The following FBXW7 variants were observed in gnomAD, a reference collection of about 807,000 sequenced individuals.
FBXW7 encodes the protein F-box and WD repeat domain containing 7.
A neutral mutation model predicts 86.3 loss-of-function variants in FBXW7; 11 were observed. The ratio of observed to expected loss-of-function variants is 0.13; its 90% CI spans 0.08 to 0.21. FBXW7 has a LOEUF of 0.21. Ranked by LOEUF, FBXW7 falls within the 10% of genes least tolerant of loss-of-function variation. FBXW7 has a pLI of 1.00. For missense variants in FBXW7, 488 were observed against 847.4 expected (o/e 0.58, Z 5.27); for synonymous variants, 313 against 297.9 (o/e 1.05, Z -0.52).
intron 4 of FBXW7, among the ~76,000 whole-genome samples, chr4:152,367,994 C>T (rs1733655656): frequency 6.6e-6 from 1 of 151,580 alleles, no homozygotes; most frequent in Admixed American, 6.6e-5. Flanking sequence ...TTGTAAGAGT[C>T]GATTAATATT....
At chr4:152,434,777 T>C (rs1330889472) in intron 2 of FBXW7, among the ~76,000 whole-genome samples, 5 of 152,148 alleles carry the variant, frequency 3.3e-5, no homozygotes, top group African/African-American at 7.2e-5. Context: ...CATATTGAAA[T>C]ACAAATAGAT....
Position 152,350,335 on chromosome 4 carries a change from T to C in FBXW7, c.502-211A>G, listed in dbSNP as rs149547741. ...AAGGTGAATTTTCCCCCCTAATATT[T>C]TATCCAGAAGAACAGTGTGTGATGA... On this transcript the variant is annotated intron_variant, in intron 4 of 13. Transcript: ENST00000281708. Among the ~76,000 whole-genome samples, 1,068 of 151,764 alleles carry C rather than the reference T, an allele frequency of 7.0e-3. 7 individuals carry two copies. Among genetic ancestry groups the C allele is most frequent in the Non-Finnish European group, 0.01 (689 of 67,694 alleles).
chr4:152,394,114 T>C (rs1736216194), intron 4 of FBXW7, among the ~76,000 whole-genome samples: 1 of 152,128 alleles, frequency 6.6e-6, no homozygotes, highest in African/African-American at 2.4e-5. Flanking sequence ...CTAAAGATAA[T>C]TTTAACCTAC....
intron 2 of FBXW7, among the ~76,000 whole-genome samples, chr4:152,431,306 C>T (rs1475559835): frequency 1.3e-5 from 2 of 152,186 alleles, no homozygotes; most frequent in African/African-American, 2.4e-5. Context: ...AGCCCCCATT[C>T]TGCAAGGTAG....
At chr4:152,402,850 CA>C (rs1430845780) in intron 4 of FBXW7, among the ~76,000 whole-genome samples, 1 of 152,108 alleles carries the variant, frequency 6.6e-6, no homozygotes, top group Non-Finnish European at 1.5e-5. Flanking sequence ...GAACAAGGAC[CA>C]AAGCAAAGTC....
chr4:152,377,569 T>C (rs530659207), intron 4 of FBXW7, among the ~76,000 whole-genome samples: 52 of 147,980 alleles, frequency 3.5e-4, no homozygotes, highest in African/African-American at 1.3e-3. Context: ...CTGGCCAACA[T>C]GGTGGAGCCC....
chr4:152,332,590 C>A lies in FBXW7; in HGVS notation c.985+6G>T. 6.4e-7 allele frequency: 1 copy of A among 1,572,608 alleles called. No homozygotes were observed. Among genetic ancestry groups the A allele is most frequent in the Non-Finnish European group, 8.7e-7 (1 of 1,153,614 alleles). ...AACATATTCTCTATGCAATTTTGAACCTTACCCTCTTCTTTGCATTTCTCT... is the reference window on the plus strand; with the variant it reads ...AACATATTCTCTATGCAATTTTGAAACTTACCCTCTTCTTTGCATTTCTCT... On this transcript the variant is annotated splice_donor_region_variant and intron_variant, in intron 8 of 13. Coordinates refer to ENST00000281708, the MANE Select transcript of FBXW7 (RefSeq NM_001349798.2).
At chr4:152,367,100 G>C (rs1733559607) in intron 4 of FBXW7, among the ~76,000 whole-genome samples, 1 of 152,100 alleles carries the variant, frequency 6.6e-6, no homozygotes, top group African/African-American at 2.4e-5. Context: ...CACAGGGCTG[G>C]GAACATCACA....
chr4:152,372,602 G>A (rs1328866643), intron 4 of FBXW7, among the ~76,000 whole-genome samples: 1 of 151,782 alleles, frequency 6.6e-6, no homozygotes, highest in Non-Finnish European at 1.5e-5. Context: ...TGCAGACAAG[G>A]GACTGTGGAC....
chr4:152,323,479 A>C, intron 13 of FBXW7: 1 of 325,344 alleles, frequency 3.1e-6, no homozygotes, highest in Admixed American at 4.4e-5. Flanking sequence ...CCTTCTGCTG[A>C]TGGACAAATG....
Position 152,443,004 on chromosome 4 carries a change from T to C in FBXW7, c.-119-30475A>G, listed in dbSNP as rs568710307. On this transcript the variant is annotated intron_variant, in intron 2 of 13. Coordinates refer to ENST00000281708, the MANE Select transcript of FBXW7 (RefSeq NM_001349798.2). ...AAGGCCAGGCGCGGTGGCTCATGCC[T>C]GTAATCCCACCACTTTGGGAGGCCG... is the stretch of plus-strand genomic sequence containing the variant. 6.2e-4 allele frequency among the ~76,000 whole-genome samples: 94 copies of C among 152,324 alleles called. No individual in the cohort carries two copies. In the Middle Eastern group the frequency reaches 0.014, roughly 22 times the overall value.
intron 4 of FBXW7, among the ~76,000 whole-genome samples, chr4:152,367,871 C>T (rs1042102056): frequency 1.3e-5 from 2 of 151,756 alleles, no homozygotes; most frequent in African/African-American, 4.8e-5. Flanking sequence ...TACTAGGTGA[C>T]AGTATTAATG....
intron 2 of FBXW7, among the ~76,000 whole-genome samples, chr4:152,464,111 TTAAG>T (rs1279999733): frequency 6.6e-6 from 1 of 152,234 alleles, no homozygotes; most frequent in East Asian, 1.9e-4. Flanking sequence ...ATCTACCTAG[TTAAG>T]TAAGAAATGT....
chr4:152,392,300 T>C lies in FBXW7; in HGVS notation c.501+19003A>G, dbSNP rs190518821. Among the ~76,000 whole-genome samples the C allele has an allele frequency of 1.3e-3, 194 of 152,190 alleles. 1 individual carries two copies. Among genetic ancestry groups the C allele is most frequent in the African/African-American group, 4.5e-3 (188 of 41,540 alleles). The stretch of plus-strand genomic sequence containing the variant: ...ATAGTAAAAATGGTATCATGTGACT[T>C]CACAGGCTGAGTCATAAAAAGGAGA... On this transcript the variant is annotated intron_variant, in intron 4 of 13. Coordinates refer to ENST00000281708, the MANE Select transcript of FBXW7 (RefSeq NM_001349798.2).
At chr4:152,494,577 A>G (rs1042378095) in intron 2 of FBXW7, among the ~76,000 whole-genome samples, 1 of 152,226 alleles carries the variant, frequency 6.6e-6, no homozygotes, top group Non-Finnish European at 1.5e-5. Context: ...ATTTTACCAA[A>G]TAAGTGAAAA....
chr4:152,349,794 T>A (rs572161209), intron 5 of FBXW7, among the ~76,000 whole-genome samples: 1 of 151,992 alleles, frequency 6.6e-6, no homozygotes, highest in South Asian at 2.1e-4. Flanking sequence ...ATTGTAATTT[T>A]AAATTTTTGT....
At chr4:152,347,769 C>T (rs1660468492) in intron 5 of FBXW7, among the ~76,000 whole-genome samples, 1 of 152,010 alleles carries the variant, frequency 6.6e-6, no homozygotes, top group Admixed American at 6.6e-5. Flanking sequence ...CTGTCTCAAA[C>T]AAACTTGAAA....
At chr4:152,439,709 CA>C (rs1249412307) in intron 2 of FBXW7, among the ~76,000 whole-genome samples, 3 of 151,594 alleles carry the variant, frequency 2.0e-5, no homozygotes, top group Non-Finnish European at 4.4e-5. Context: ...CTAAAAAATA[CA>C]AAAAAATTAG....
intron 2 of FBXW7, among the ~76,000 whole-genome samples, chr4:152,520,158 G>A (rs917220073): frequency 2.0e-5 from 3 of 152,158 alleles, no homozygotes; most frequent in Non-Finnish European, 4.4e-5. Context: ...TACCGGCCGG[G>A]CGCGGTGGCT....
Sources: allele counts gnomAD v4.1 joint callset (sites outside exome capture counted in the v4.1 genomes callset), GRCh38; gene constraint gnomAD v4.1.1; transcripts MANE v1.5; gene names NCBI Gene and HGNC (gene_info 2026-07-23, HGNC 2026-07-21).